MYO3B: variants seen among roughly 807,000 people sequenced by gnomAD.
The protein encoded by MYO3B is myosin-IIIb.
MYO3B carries 156 observed loss-of-function variants against 174.6 expected under a neutral mutation model. That is an observed-to-expected ratio of 0.89 (90% CI 0.78 to 1.02). MYO3B has a LOEUF of 1.02. Ranked by LOEUF, MYO3B falls within the 50% of genes least tolerant of loss-of-function variation. The pLI is 0.00. For synonymous variants in MYO3B, 563 were observed against 569.1 expected (o/e 0.99, Z 0.15); for missense variants, 1,632 against 1,639.4 (o/e 1.00, Z 0.08).
intron 7 of MYO3B, among the ~76,000 whole-genome samples, chr2:170,301,955 G>T (rs190728754): frequency 6.7e-6 from 1 of 150,142 alleles, no homozygotes; most frequent in East Asian, 2.0e-4. Context: ...CCAGCAGCAG[G>T]AGGCAAATTA....
intron 3 of MYO3B, among the ~76,000 whole-genome samples, chr2:170,210,523 T>G (rs952788557): frequency 6.6e-6 from 1 of 152,242 alleles, no homozygotes; most frequent in Non-Finnish European, 1.5e-5. Flanking sequence ...AATTATGTGC[T>G]AGGTTCAGGC....
chr2:170,366,875 G>A (rs982948987), intron 8 of MYO3B, among the ~76,000 whole-genome samples: 1 of 152,104 alleles, frequency 6.6e-6, no homozygotes, highest in African/African-American at 2.4e-5. Flanking sequence ...CTCCAGTGGA[G>A]GCATCTTTTC....
chr2:170,292,595 G>A (rs564998501), intron 7 of MYO3B, among the ~76,000 whole-genome samples: 22 of 152,086 alleles, frequency 1.4e-4, no homozygotes, highest in African/African-American at 5.1e-4. Flanking sequence ...ACAAGGTTGC[G>A]GTTTCCTTTT....
intron 32 of MYO3B, among the ~76,000 whole-genome samples, chr2:170,549,744 G>C (rs367695936): frequency 6.6e-6 from 1 of 152,014 alleles, no homozygotes; most frequent in African/African-American, 2.4e-5. Flanking sequence ...CAGATGAGTC[G>C]GTCACCCTGT....
intron 7 of MYO3B, among the ~76,000 whole-genome samples, chr2:170,296,862 AAG>A (rs2093631934): frequency 6.6e-6 from 1 of 151,926 alleles, no homozygotes; most frequent in African/African-American, 2.4e-5. Flanking sequence ...GTGGGGACAA[AAG>A]AGAGAGTGGG....
chr2:170,516,478 C>T (rs1294641954), intron 29 of MYO3B, among the ~76,000 whole-genome samples: 2 of 151,902 alleles, frequency 1.3e-5, no homozygotes, highest in Non-Finnish European at 1.5e-5. Flanking sequence ...CCCATCTCTA[C>T]TAAAAATACA....
intron 22 of MYO3B, among the ~76,000 whole-genome samples, chr2:170,420,014 C>T (rs1025643855): frequency 6.6e-5 from 10 of 152,106 alleles, no homozygotes; most frequent in Non-Finnish European, 4.4e-5. Context: ...GAAACCCCAT[C>T]TCTACTAAAA....
chr2:170,482,487 A>G (rs1254694118), intron 25 of MYO3B, among the ~76,000 whole-genome samples: 1 of 152,176 alleles, frequency 6.6e-6, no homozygotes, highest in Non-Finnish European at 1.5e-5. Flanking sequence ...CCATCCACGT[A>G]AAATGTGACT....
At chr2:170,453,292 A>C (rs1280287884) in intron 23 of MYO3B, among the ~76,000 whole-genome samples, 2 of 152,114 alleles carry the variant, frequency 1.3e-5, no homozygotes, top group African/African-American at 4.8e-5. Context: ...ACAGAAAGAC[A>C]AATTCTTTGC....
chr2:170,557,136 A>AT (rs1449970557), intron 32 of MYO3B, among the ~76,000 whole-genome samples: 89 of 63,710 alleles, frequency 1.4e-3, no homozygotes, highest in Middle Eastern at 6.8e-3. Context: ...AGGGTTTTTT[A>AT]TTTTTATTTT....
At chr2:170,632,666 A>T (rs1575300481) in intron 32 of MYO3B, among the ~76,000 whole-genome samples, 1 of 152,112 alleles carries the variant, frequency 6.6e-6, no homozygotes, top group South Asian at 2.1e-4. Context: ...GACACAAAAA[A>T]CCCTTCAAAA....
chr2:170,349,486 G>A (rs2094043753), intron 8 of MYO3B: 1 of 152,036 alleles, frequency 6.6e-6, no homozygotes. Flanking sequence ...TTCTTTAGAG[G>A]AAGTGATACT....
At chr2:170,285,982 T>C (rs2093553608) in intron 7 of MYO3B, among the ~76,000 whole-genome samples, 2 of 152,316 alleles carry the variant, frequency 1.3e-5, no homozygotes, top group African/African-American at 4.8e-5. Context: ...ATTTATCATG[T>C]CATGTCTACC....
intron 9 of MYO3B, among the ~76,000 whole-genome samples, chr2:170,379,064 A>AT (rs2094315269): frequency 1.3e-5 from 2 of 152,310 alleles, no homozygotes; most frequent in African/African-American, 2.4e-5. Flanking sequence ...ATCTGAGGTA[A>AT]TTTTTTAATT....
At position 170,537,448 on chromosome 2, in the gene MYO3B, A is replaced by ATTTTTTTTTTTTTTTTTTTT. The variant is rs559086883; in HGVS notation, c.3576-5444_3576-5425dup. ...ACCTTCTCTTATTAAGAGCTCTTTGATTTTTTTTTTTTTTTTTTTTTTTTT... is the reference window on the plus strand; with the variant it reads ...ACCTTCTCTTATTAAGAGCTCTTTGATTTTTTTTTTTTTTTTTTTTTTTTTTTTTTTTTTTTTTTTTTTTT... On this transcript the variant is annotated intron_variant, in intron 30 of 34. Transcript: ENST00000408978. 2.9e-4 allele frequency among the ~76,000 whole-genome samples: 16 copies of ATTTTTTTTTTTTTTTTTTTT among 54,820 alleles called. 2 individuals carry two copies. The East Asian group carries it at 5.1e-3, about 17-fold the overall frequency. The allele number at this position is 54,820 out of a possible 152,430, so 36.0% of individuals were successfully genotyped here.
chr2:170,221,169 A>G (rs750251383), intron 6 of MYO3B, among the ~76,000 whole-genome samples: 1 of 151,988 alleles, frequency 6.6e-6, no homozygotes, highest in African/African-American at 2.4e-5. Flanking sequence ...ATTGATCCTG[A>G]TATGCTTTCA....
intron 7 of MYO3B, among the ~76,000 whole-genome samples, chr2:170,253,529 T>C (rs1447923422): frequency 1.3e-5 from 2 of 152,198 alleles, no homozygotes; most frequent in Non-Finnish European, 1.5e-5. Context: ...TGGAGACACC[T>C]AGACTGGAGA....
intron 8 of MYO3B, among the ~76,000 whole-genome samples, chr2:170,360,068 C>T (rs1318860421): frequency 9.9e-5 from 15 of 152,146 alleles, no homozygotes; most frequent in Admixed American, 9.8e-4. Context: ...GTTTGATTTG[C>T]ACTCTCTTAG....
chr2:170,482,430 C>T (rs1332243890), intron 25 of MYO3B, among the ~76,000 whole-genome samples: 1 of 152,230 alleles, frequency 6.6e-6, no homozygotes, highest in Non-Finnish European at 1.5e-5. Flanking sequence ...GCTGGGATTA[C>T]AGGCATGAGC....
Sources: allele counts gnomAD v4.1 joint callset (sites outside exome capture counted in the v4.1 genomes callset), GRCh38; gene constraint gnomAD v4.1.1; transcripts MANE v1.5; gene names NCBI Gene and HGNC (gene_info 2026-07-23, HGNC 2026-07-21).